The following ANKRD31 variants were observed in gnomAD, a reference collection of about 807,000 sequenced individuals.
ANKRD31 encodes ankyrin repeat domain 31.
ANKRD31 carries 147 observed loss-of-function variants against 186.0 expected under a neutral mutation model. That is an observed-to-expected ratio of 0.79 (90% CI 0.69 to 0.91). The LOEUF (loss-of-function observed/expected upper bound fraction) is 0.91. ANKRD31 is among the 40% of genes least tolerant of loss of function. The probability of loss-of-function intolerance (pLI) is 0.00; values close to 1 mark genes in which losing one functional copy is unlikely to be tolerated. For missense variants in ANKRD31, 1,986 were observed against 2,148.8 expected (o/e 0.92, Z 1.50); for synonymous variants, 673 against 736.4 (o/e 0.91, Z 1.39).
intron 14 of ANKRD31, among the ~76,000 whole-genome samples, chr5:75,144,954 G>T (rs925513658): frequency 8.0e-5 from 12 of 150,622 alleles, no homozygotes; most frequent in Admixed American, 1.3e-4. Context: ...CTTCTCAAAA[G>T]AAGACATTTA....
rs771511799 is a variant in ANKRD31, at chr5:75,188,486, A to G, written c.1564+7T>C. Reference sequence around the variant, plus strand: ...TAAGGTAACTGTGGGTGGTAATCCTAACTTACCAGCATAACTTGGCTGATT... The same window carrying G: ...TAAGGTAACTGTGGGTGGTAATCCTGACTTACCAGCATAACTTGGCTGATT... On this transcript the variant is annotated splice_region_variant and intron_variant, in intron 10 of 25. Transcript: ENST00000506364. 1.3e-6 allele frequency: 2 copies of G among 1,533,236 alleles called. No individual in the cohort carries two copies. The highest frequency in any genetic ancestry group is 2.4e-5 in the South Asian group (2 of 83,096). The allele number at this position is 1,533,236 out of a possible 1,614,324, so 95.0% of individuals were successfully genotyped here. A position where few individuals can be genotyped will look rare whatever the true frequency, so the allele number is the denominator to read the frequency against.
chr5:75,165,491 T>C (rs1473390564), intron 11 of ANKRD31, among the ~76,000 whole-genome samples: 1 of 152,182 alleles, frequency 6.6e-6, no homozygotes, highest in Non-Finnish European at 1.5e-5. Flanking sequence ...AAGTTAAGCA[T>C]AAATCTATGC....
At chr5:75,168,955 C>CT (rs1489120716) in intron 11 of ANKRD31, 24 bp downstream of exon 11, 1 of 1,508,186 alleles carries the variant, frequency 6.6e-7, no homozygotes. Flanking sequence ...AGTATTTGTT[C>CT]TGCAAATAAA....
At chr5:75,183,810 A>G (rs1263744558) in intron 10 of ANKRD31, among the ~76,000 whole-genome samples, 1 of 152,170 alleles carries the variant, frequency 6.6e-6, no homozygotes, top group Non-Finnish European at 1.5e-5. Context: ...TGGAATAATT[A>G]ATTCTGTCAC....
At chr5:75,123,954 C>T (rs1250429337) in intron 17 of ANKRD31, among the ~76,000 whole-genome samples, 1 of 152,004 alleles carries the variant, frequency 6.6e-6, no homozygotes, top group Non-Finnish European at 1.5e-5. Flanking sequence ...TAAAAAGCTT[C>T]TGCATGGCAA....
chr5:75,206,582 G>A, intron 4 of ANKRD31, 95 bp from the exon 5 acceptor site: 1 of 579,092 alleles, frequency 1.7e-6, no homozygotes, highest in East Asian at 4.4e-5. Context: ...TCACTTAAAG[G>A]GCTTTCCAAA....
chr5:75,118,052 A>G, intron 18 of ANKRD31, 83 bp downstream of exon 18: 2 of 1,103,828 alleles, frequency 1.8e-6, no homozygotes, highest in East Asian at 3.1e-5. Flanking sequence ...CCAGTTATGA[A>G]ACAATTTACA....
intron 17 of ANKRD31, among the ~76,000 whole-genome samples, chr5:75,124,657 T>A (rs553755230): frequency 3.3e-5 from 5 of 152,100 alleles, no homozygotes; most frequent in Non-Finnish European, 7.4e-5. Context: ...TGGGATCATG[T>A]CTTCTGCAGC....
chr5:75,234,084 T>C (rs1292109602), intron 1 of ANKRD31, among the ~76,000 whole-genome samples: 2 of 152,228 alleles, frequency 1.3e-5, no homozygotes, highest in Non-Finnish European at 2.9e-5. Context: ...TATCCCTTTA[T>C]GACAGAAAAC....
At chr5:75,118,993 T>G (rs769574149) in intron 17 of ANKRD31, among the ~76,000 whole-genome samples, 2 of 147,766 alleles carry the variant, frequency 1.4e-5, no homozygotes, top group Non-Finnish European at 3.0e-5. Flanking sequence ...CAATATTTTA[T>G]GTACTCTACT....
chr5:75,161,051 G>C (rs1752541677), intron 11 of ANKRD31, among the ~76,000 whole-genome samples: 1 of 152,182 alleles, frequency 6.6e-6, no homozygotes, highest in Non-Finnish European at 1.5e-5. Context: ...ATTGGTACCA[G>C]TAGAGTGGGG....
intron 25 of ANKRD31, among the ~76,000 whole-genome samples, chr5:75,070,376 G>T (rs1172845384): frequency 6.6e-6 from 1 of 152,022 alleles, no homozygotes; most frequent in Non-Finnish European, 1.5e-5. Context: ...CTTTAGTTAT[G>T]ATTTGAAAAA....
chr5:75,074,934 C>T (rs1031424689), intron 25 of ANKRD31, among the ~76,000 whole-genome samples: 1 of 152,148 alleles, frequency 6.6e-6, no homozygotes, highest in Non-Finnish European at 1.5e-5. Flanking sequence ...AACCTTTGCT[C>T]CATGTCTATA....
intron 1 of ANKRD31, among the ~76,000 whole-genome samples, chr5:75,235,241 CTT>C (rs35626841): frequency 1.5e-4 from 15 of 99,888 alleles, no homozygotes; most frequent in African/African-American, 4.7e-4. Context: ...CTTGCTGGTA[CTT>C]TTTTTTTTTT....
At chr5:75,179,828 A>C (rs571445884) in intron 10 of ANKRD31, among the ~76,000 whole-genome samples, 5 of 152,330 alleles carry the variant, frequency 3.3e-5, no homozygotes, top group African/African-American at 1.2e-4. Flanking sequence ...GGCACAAGAC[A>C]GGGATGCCCT....
Position 75,104,956 on chromosome 5 carries a change from C to T in ANKRD31, c.4603G>A (p.Val1535Ile), listed in dbSNP as rs1257122712. The T allele has an allele frequency of 1.3e-6, 2 of 1,536,942 alleles. No individual in the cohort carries two copies. Among genetic ancestry groups the T allele is most frequent in the East Asian group, 4.9e-5 (2 of 40,908 alleles). The change falls in exon 22 of 26, where the codon GTT (valine) becomes ATT (isoleucine). Residue 1535 changes from valine to isoleucine, a missense_variant. Coordinates refer to ENST00000506364, the MANE Select transcript of ANKRD31 (RefSeq NM_001372053.1). Reference sequence around the variant, plus strand: ...TGTGTTTCCTGCATGCTTCCAGAAACAGGAGAAAGTGAACCTGATTGGGGA... The same window carrying T: ...TGTGTTTCCTGCATGCTTCCAGAAATAGGAGAAAGTGAACCTGATTGGGGA... Reference protein sequence around the residue: ...EHPQSGSLSPVSGSMQETQLS... With the variant: ...EHPQSGSLSPISGSMQETQLS...
chr5:75,164,465 T>C (rs1752785310), intron 11 of ANKRD31, among the ~76,000 whole-genome samples: 1 of 152,236 alleles, frequency 6.6e-6, no homozygotes, highest in Non-Finnish European at 1.5e-5. Flanking sequence ...CATTTATTAC[T>C]CTTTGGTGAG....
intron 10 of ANKRD31, among the ~76,000 whole-genome samples, chr5:75,183,283 G>T (rs970421892): frequency 2.6e-5 from 4 of 151,996 alleles, no homozygotes; most frequent in Non-Finnish European, 5.9e-5. Flanking sequence ...CCATATATGG[G>T]CTTTATTTTT....
intron 19 of ANKRD31, 128 bp from the exon 20 acceptor site, chr5:75,112,728 G>A: frequency 1.1e-5 from 6 of 537,360 alleles, no homozygotes; most frequent in Non-Finnish European, 1.9e-5. Context: ...TCCTCTTTAT[G>A]CTCAAAATGT....
Sources: allele counts gnomAD v4.1 joint callset (sites outside exome capture counted in the v4.1 genomes callset), GRCh38; gene constraint gnomAD v4.1.1; transcripts MANE v1.5; gene names NCBI Gene and HGNC (gene_info 2026-07-23, HGNC 2026-07-21).